CELF6: variants seen among roughly 807,000 people sequenced by gnomAD.
CELF6 encodes the protein CUGBP Elav-like family member 6, also known as Bruno -like 6, RNA binding protein.
CELF6 carries 32 observed loss-of-function variants against 53.1 expected under a neutral mutation model. That is an observed-to-expected ratio of 0.60 (90% CI 0.46 to 0.81). The LOEUF is 0.81. Ranked by LOEUF, CELF6 falls within the 30% of genes least tolerant of loss-of-function variation. The probability of loss-of-function intolerance (pLI) is 0.00; values close to 1 mark genes in which losing one functional copy is unlikely to be tolerated. For missense variants in CELF6, 539 were observed against 669.5 expected (o/e 0.81, Z 2.15); for synonymous variants, 291 against 288.8 (o/e 1.01, Z -0.08).
intron 2 of CELF6, chr15:72,306,172 G>T: frequency 1.0e-6 from 1 of 975,174 alleles, no homozygotes; most frequent in Non-Finnish European, 1.2e-6. Flanking sequence ...GGGATCACAT[G>T]AGGTAATGGG....
At position 72,288,431 on chromosome 15, in the gene CELF6, A is replaced by G; in HGVS notation, c.1195T>C (p.Phe399Leu). Residue 399 changes from phenylalanine to leucine, a missense_variant, in exon 11 of 13, where the codon TTC (phenylalanine) becomes CTC (leucine). By Grantham distance (22) the Phe-to-Leu change is conservative. This residue lies in a region of CELF6 where 358 missense variants were observed against 412.8 expected (regional missense o/e 0.87). Transcript: ENST00000287202. This position sits in a 1 kb window ranked among gnomAD's most constrained non-coding sequence, Gnocchi z 4.6. ...QREGPEGCNL[F>L]IYHLPQEFGD... ...AACTCCTGAGGCAGGTGATAGATGA[A>G]GAGGTTACAGCCTTCGGGGCCTGGA... is the stretch of plus-strand genomic sequence containing the variant. The G allele has an allele frequency of 6.2e-7, 1 of 1,614,178 alleles. No homozygotes were observed. Among genetic ancestry groups the G allele is most frequent in the Non-Finnish European group, 8.5e-7 (1 of 1,180,034 alleles).
intron 3 of CELF6, among the ~76,000 whole-genome samples, chr15:72,303,343 T>C (rs1339893368): frequency 1.3e-5 from 2 of 151,848 alleles, no homozygotes; most frequent in African/African-American, 4.8e-5. Flanking sequence ...AGGAGGAAAC[T>C]TGGAAATATC....
chr15:72,305,863 T>G (rs2088222900), intron 2 of CELF6, among the ~76,000 whole-genome samples: 1 of 151,498 alleles, frequency 6.6e-6, no homozygotes. Flanking sequence ...TGTTTTTTTT[T>G]TTTTTTGCCC....
At chr15:72,303,546 G>A (rs953524795) in intron 3 of CELF6, among the ~76,000 whole-genome samples, 1 of 152,218 alleles carries the variant, frequency 6.6e-6, no homozygotes, top group Non-Finnish European at 1.5e-5. Context: ...TACAGAATTA[G>A]TAGGACTCAA....
intron 2 of CELF6, among the ~76,000 whole-genome samples, chr15:72,307,515 T>G (rs1194659543): frequency 6.6e-6 from 1 of 152,212 alleles, no homozygotes; most frequent in Non-Finnish European, 1.5e-5. Flanking sequence ...TTACATACAT[T>G]GTCTCTAAAT....
Position 72,288,662 on chromosome 15 carries a change from T to C in CELF6, c.1094-44A>G. Reference sequence around the variant, plus strand: ...GTGGACAGTGATCCCCAGGAGCCCTTCCCCAAGCAGGGCCCCAACTGCCTG... The same window carrying C: ...GTGGACAGTGATCCCCAGGAGCCCTCCCCCAAGCAGGGCCCCAACTGCCTG... On this transcript the variant is annotated intron_variant, in intron 9 of 12. Coordinates refer to ENST00000287202, the MANE Select transcript of CELF6 (RefSeq NM_052840.5). The surrounding 1 kb of genome is among the most constrained non-coding windows in gnomAD (Gnocchi z 4.6). The C allele has an allele frequency of 6.5e-7, 1 of 1,532,232 alleles. No homozygotes were observed. Among genetic ancestry groups the C allele is most frequent in the Non-Finnish European group, 8.8e-7 (1 of 1,131,732 alleles). The allele number at this position is 1,532,232 out of a possible 1,614,324, so 94.9% of individuals were successfully genotyped here. A position where few individuals can be genotyped will look rare whatever the true frequency, so the allele number is the denominator to read the frequency against.
At chr15:72,308,516 C>T (rs867927925) in intron 2 of CELF6, among the ~76,000 whole-genome samples, 121 of 152,086 alleles carry the variant, frequency 8.0e-4, no homozygotes, top group African/African-American at 2.7e-3. Flanking sequence ...TGTGAGCCAC[C>T]GCACCTGGCC....
At chr15:72,316,586 T>C (rs772907994) in intron 1 of CELF6, among the ~76,000 whole-genome samples, 1 of 152,160 alleles carries the variant, frequency 6.6e-6, no homozygotes, top group Non-Finnish European at 1.5e-5. Context: ...GTAGGGCCTC[T>C]TAAAGAGTTA....
At position 72,286,681 on chromosome 15, in the gene CELF6, TAGA is replaced by T. The variant is rs1175138529; in HGVS notation, c.*29-342_*29-340del. ...TGGACCCATGACCTTGCCAAAAATGTAGAAGAACTTGGCCCATCTTTCTCCCCA... is the reference window on the plus strand; with the variant it reads ...TGGACCCATGACCTTGCCAAAAATGTAGAACTTGGCCCATCTTTCTCCCCA... On this transcript the variant is annotated intron_variant, in intron 12 of 12. Transcript: ENST00000287202. Among the ~76,000 whole-genome samples the T allele has an allele frequency of 2.0e-5, 3 of 152,348 alleles. No homozygotes were observed. The East Asian group carries it at 5.8e-4, about 29-fold the overall frequency.
In CELF6 at chr15:72,287,243, G is replaced by A. The variant is rs752900807; in HGVS notation, c.*22C>T. The A allele has an allele frequency of 1.2e-6, 2 of 1,612,316 alleles. No homozygotes were observed. Among genetic ancestry groups the A allele is most frequent in the South Asian group, 2.2e-5 (2 of 90,896 alleles). On this transcript the variant is annotated 3_prime_UTR_variant, in exon 12 of 13. Transcript: ENST00000287202. ...GGGTCCATCAGGGACTCACCTTTCT[G>A]TGGCTGGTCAGTGAAAGCAGGTCAG...
intron 3 of CELF6, among the ~76,000 whole-genome samples, chr15:72,297,293 T>C (rs2141192001): frequency 6.6e-6 from 1 of 152,334 alleles, no homozygotes; most frequent in South Asian, 2.1e-4. Flanking sequence ...TTCTCCATAC[T>C]GTAACCCCCC....
intron 2 of CELF6, among the ~76,000 whole-genome samples, chr15:72,307,603 C>A (rs1337656215): frequency 6.6e-6 from 1 of 152,196 alleles, no homozygotes; most frequent in Admixed American, 6.5e-5. Context: ...GAGGTGAAAT[C>A]ACTTGTCTAA....
Position 72,288,355 on chromosome 15 carries a change from G to A in CELF6, c.1271C>T (p.Ser424Phe). 1 of 1,614,212 alleles carries A rather than the reference G, an allele frequency of 6.2e-7. No homozygotes were observed. The highest frequency in any genetic ancestry group is 8.5e-7 in the Non-Finnish European group (1 of 1,180,024). ...GGCTCGATCCACAAAGACTTTAGCA[G>A]AGACAACGGCTCCAAAGGGCAGGAA... ...QTFLPFGAVV[S>F]AKVFVDRATN... Residue 424 changes from serine (S) to phenylalanine (F), a missense_variant, in exon 11 of 13, where the codon TCT (serine) becomes TTT (phenylalanine). Physicochemically the swap from Ser to Phe is radical, Grantham distance 155. Coordinates refer to ENST00000287202, the MANE Select transcript of CELF6 (RefSeq NM_052840.5). This position sits in a 1 kb window ranked among gnomAD's most constrained non-coding sequence, Gnocchi z 4.6.
chr15:72,311,330 C>T (rs1168190384), intron 2 of CELF6, among the ~76,000 whole-genome samples: 2 of 151,372 alleles, frequency 1.3e-5, no homozygotes, highest in Admixed American at 6.6e-5. Flanking sequence ...TCTGGGACTC[C>T]CTCCCCAATT....
Position 72,289,623 on chromosome 15 carries a change from C to T in CELF6, c.747+4G>A. ...GCCCTCGCACGCAGGTGCCCGGTAC[C>T]TACCGCCGTGGTGTAGGCGCCGCAG... On this transcript the variant is annotated splice_donor_region_variant and intron_variant, in intron 6 of 12. Coordinates refer to ENST00000287202, the MANE Select transcript of CELF6 (RefSeq NM_052840.5). The surrounding 1 kb of genome is among the most constrained non-coding windows in gnomAD (Gnocchi z 7.6). 6.7e-7 allele frequency: 1 copy of T among 1,502,478 alleles called. No individual in the cohort carries two copies. The highest frequency in any genetic ancestry group is 8.8e-7 in the Non-Finnish European group (1 of 1,134,094). The allele number at this position is 1,502,478 out of a possible 1,614,324, so 93.1% of individuals were successfully genotyped here. A position where few individuals can be genotyped will look rare whatever the true frequency, so the allele number is the denominator to read the frequency against.
At chr15:72,308,401 A>C (rs968473993) in intron 2 of CELF6, among the ~76,000 whole-genome samples, 1 of 151,344 alleles carries the variant, frequency 6.6e-6, no homozygotes, top group Non-Finnish European at 1.5e-5. Flanking sequence ...CTAATTTTGT[A>C]TTTTTAGTAA....
intron 3 of CELF6, among the ~76,000 whole-genome samples, chr15:72,292,516 G>A (rs1290700893): frequency 6.6e-6 from 1 of 152,222 alleles, no homozygotes; most frequent in African/African-American, 2.4e-5. Flanking sequence ...TCTGAAAAAT[G>A]GTGATGGCAC....
At chr15:72,305,220 T>A (rs1201486378) in intron 2 of CELF6, among the ~76,000 whole-genome samples, 1 of 152,234 alleles carries the variant, frequency 6.6e-6, no homozygotes, top group African/African-American at 2.4e-5. Flanking sequence ...GTCATTTAGA[T>A]GAGAGTCTGG....
chr15:72,320,032 A>T lies in CELF6; in HGVS notation c.-158T>A. 1.8e-5 allele frequency: 3 copies of T among 165,880 alleles called. No homozygotes were observed. The highest frequency in any genetic ancestry group is 3.9e-5 in the Non-Finnish European group (3 of 77,084). The allele number at this position is 165,880 out of a possible 1,614,324, so 10.3% of individuals were successfully genotyped here. ...GCGGGGTCCGGGTGGAGGGGCGTAG[A>T]GGGGGTGGGGCGGGCAGGAAAGGGG... On this transcript the variant is annotated 5_prime_UTR_variant, in exon 1 of 13. Coordinates refer to ENST00000287202, the MANE Select transcript of CELF6 (RefSeq NM_052840.5).
Sources: allele counts gnomAD v4.1 joint callset (sites outside exome capture counted in the v4.1 genomes callset), GRCh38; gene constraint gnomAD v4.1.1; regional missense constraint gnomAD v4.1.1; non-coding constraint Gnocchi (gnomAD v3.1); transcripts MANE v1.5; gene names NCBI Gene and HGNC (gene_info 2026-07-23, HGNC 2026-07-21).